GRIK2: variants seen among roughly 807,000 people sequenced by gnomAD.
GRIK2 encodes the protein glutamate ionotropic receptor kainate type subunit 2, also known as glutamate receptor ionotropic, kainate 2.
In GRIK2, 32 loss-of-function variants were observed where a neutral mutation model predicts 100.3. That is an observed-to-expected ratio of 0.32 (90% CI 0.24 to 0.43). The LOEUF (loss-of-function observed/expected upper bound fraction) is 0.43. GRIK2 is among the 20% of genes least tolerant of loss of function. The pLI is 1.00. For synonymous variants in GRIK2, 417 were observed against 389.4 expected (o/e 1.07, Z -0.83); for missense variants, 843 against 1,114.9 (o/e 0.76, Z 3.47).
chr6:101,815,503 A>G (rs1781579116), intron 9 of GRIK2, among the ~76,000 whole-genome samples: 2 of 152,150 alleles, frequency 1.3e-5, no homozygotes, highest in Admixed American at 6.5e-5. Context: ...TTTTATTTGT[A>G]CAAGAGGGTA....
At chr6:101,735,532 G>T (rs1248707178) in intron 7 of GRIK2, among the ~76,000 whole-genome samples, 1 of 152,128 alleles carries the variant, frequency 6.6e-6, no homozygotes, top group Non-Finnish European at 1.5e-5. Context: ...CATCTTAGGT[G>T]GATGGCAGCA....
At chr6:101,909,750 A>G (rs907478039) in intron 12 of GRIK2, among the ~76,000 whole-genome samples, 2 of 151,126 alleles carry the variant, frequency 1.3e-5, no homozygotes. Context: ...ATATACACAC[A>G]TACAGATATA....
intron 9 of GRIK2, among the ~76,000 whole-genome samples, chr6:101,809,193 T>C (rs971631656): frequency 6.6e-5 from 10 of 151,896 alleles, no homozygotes; most frequent in African/African-American, 9.7e-5. Flanking sequence ...CCACAGACTT[T>C]TTGCTAAAAC....
At chr6:101,456,547 A>G (rs1771019258) in intron 2 of GRIK2, among the ~76,000 whole-genome samples, 1 of 152,150 alleles carries the variant, frequency 6.6e-6, no homozygotes, top group Admixed American at 6.5e-5. Flanking sequence ...CATTGTACCT[A>G]CAAAATAATA....
chr6:101,694,888 A>G (rs1772368441), intron 7 of GRIK2, among the ~76,000 whole-genome samples: 1 of 151,482 alleles, frequency 6.6e-6, no homozygotes, highest in African/African-American at 2.4e-5. Context: ...AACCAATGCC[A>G]TATAAAAAAA....
intron 7 of GRIK2, among the ~76,000 whole-genome samples, chr6:101,791,123 A>G (rs1368690335): frequency 8.0e-5 from 12 of 150,888 alleles, no homozygotes; most frequent in South Asian, 2.1e-4. Context: ...TCTTGCTAGC[A>G]GTCTATCAAT....
chr6:102,009,424 AT>A (rs914239039), intron 14 of GRIK2, among the ~76,000 whole-genome samples: 35 of 152,222 alleles, frequency 2.3e-4, no homozygotes, highest in Non-Finnish European at 2.8e-4. Flanking sequence ...GTCCTGGATT[AT>A]TAAAATGCAG....
At chr6:102,054,995 T>C (rs1771393790) in intron 15 of GRIK2, among the ~76,000 whole-genome samples, 1 of 152,182 alleles carries the variant, frequency 6.6e-6, no homozygotes, top group Admixed American at 6.6e-5. Context: ...TAGAATAAAT[T>C]GTAGATATGA....
intron 10 of GRIK2, among the ~76,000 whole-genome samples, chr6:101,826,942 A>T (rs1011304364): frequency 6.6e-6 from 1 of 151,954 alleles, no homozygotes; most frequent in African/African-American, 2.4e-5. Context: ...TTGAAAGTCG[A>T]GTTCAACTAT....
chr6:101,486,403 G>A (rs780095514), intron 2 of GRIK2, among the ~76,000 whole-genome samples: 2 of 148,888 alleles, frequency 1.3e-5, no homozygotes, highest in African/African-American at 2.5e-5. Flanking sequence ...GGGGGGGGAA[G>A]CTAAGTAGAT....
intron 2 of GRIK2, among the ~76,000 whole-genome samples, chr6:101,560,372 ATTTTAGGT>A (rs1776944697): frequency 6.6e-6 from 1 of 152,076 alleles, no homozygotes; most frequent in Admixed American, 6.6e-5. Context: ...GTAAAAATAT[ATTTTAGGT>A]TTTTAGGGTT....
intron 14 of GRIK2, among the ~76,000 whole-genome samples, chr6:101,992,626 T>A (rs549483633): frequency 3.3e-5 from 5 of 151,610 alleles, no homozygotes; most frequent in Non-Finnish European, 5.9e-5. Flanking sequence ...ACAGATTGAA[T>A]TTTTTTTAAA....
At chr6:101,623,197 T>C (rs761012514) in intron 3 of GRIK2, among the ~76,000 whole-genome samples, 13 of 152,040 alleles carry the variant, frequency 8.6e-5, no homozygotes, top group Non-Finnish European at 1.8e-4. Context: ...ATATTAATGG[T>C]AGCTGACAAG....
intron 4 of GRIK2, among the ~76,000 whole-genome samples, chr6:101,648,800 C>T (rs1781650285): frequency 1.3e-5 from 2 of 151,798 alleles, no homozygotes; most frequent in African/African-American, 4.8e-5. Flanking sequence ...AAAAAGATAC[C>T]TGAGATTGGG....
chr6:101,697,998 G>A (rs910136449), intron 7 of GRIK2, among the ~76,000 whole-genome samples: 1 of 152,040 alleles, frequency 6.6e-6, no homozygotes, highest in Non-Finnish European at 1.5e-5. Flanking sequence ...ATTCTCAAAG[G>A]ATCTTTTGAT....
At chr6:101,515,887 G>C (rs946557440) in intron 2 of GRIK2, among the ~76,000 whole-genome samples, 2 of 152,058 alleles carry the variant, frequency 1.3e-5, no homozygotes, top group Admixed American at 6.6e-5. Flanking sequence ...TCTGCTGACT[G>C]TTCCTTTTGC....
At chr6:101,980,314 G>T (rs1484720912) in intron 14 of GRIK2, among the ~76,000 whole-genome samples, 8 of 151,962 alleles carry the variant, frequency 5.3e-5, no homozygotes, top group Admixed American at 3.9e-4. Flanking sequence ...TTATCCAACT[G>T]CTTTTCTTGA....
At chr6:101,641,513 C>T (rs925898902) in intron 4 of GRIK2, among the ~76,000 whole-genome samples, 1 of 151,602 alleles carries the variant, frequency 6.6e-6, no homozygotes, top group Non-Finnish European at 1.5e-5. Flanking sequence ...ATTGAGAGAC[C>T]GAAAATTACA....
chr6:101,530,808 A>G (rs1775404492), intron 2 of GRIK2, among the ~76,000 whole-genome samples: 1 of 152,074 alleles, frequency 6.6e-6, no homozygotes, highest in African/African-American at 2.4e-5. Flanking sequence ...TGACAGTAGC[A>G]TCAGGAATGA....
Sources: allele counts gnomAD v4.1 joint callset (sites outside exome capture counted in the v4.1 genomes callset), GRCh38; gene constraint gnomAD v4.1.1; transcripts MANE v1.5; gene names NCBI Gene and HGNC (gene_info 2026-07-23, HGNC 2026-07-21).